Variants in ODAD2 observed in about 807,000 individuals in gnomAD.
ODAD2 encodes the protein outer dynein arm-docking complex subunit 2.
In ODAD2, 89 loss-of-function variants were observed where a neutral mutation model predicts 106.8. The ratio of observed to expected loss-of-function variants is 0.83; its 90% confidence interval spans 0.70 to 0.99. The LOEUF (loss-of-function observed/expected upper bound fraction) is 0.99, where lower values mean the gene tolerates loss of function less well. Among genes scored for constraint, ODAD2 ranks in the 50% least tolerant of loss-of-function variants. ODAD2 has a pLI of 0.00. For synonymous variants in ODAD2, 404 were observed against 436.2 expected (o/e 0.93, Z 0.92); for missense variants, 1,168 against 1,238.5 (o/e 0.94, Z 0.85).
intron 17 of ODAD2, among the ~76,000 whole-genome samples, chr10:27,865,834 G>C (rs1430084565): frequency 2.6e-5 from 4 of 152,204 alleles, no homozygotes; most frequent in Non-Finnish European, 5.9e-5. Context: ...GCAAGTGTGA[G>C]GGCGAAGCCA....
intron 17 of ODAD2, among the ~76,000 whole-genome samples, chr10:27,884,490 T>A (rs954446697): frequency 1.3e-5 from 2 of 152,178 alleles, no homozygotes; most frequent in Non-Finnish European, 2.9e-5. Context: ...TCTTATTTCC[T>A]TCCTTCAGCC....
chr10:27,942,094 C>T (rs1263662452), intron 12 of ODAD2, among the ~76,000 whole-genome samples: 1 of 152,132 alleles, frequency 6.6e-6, no homozygotes, highest in Non-Finnish European at 1.5e-5. Flanking sequence ...CACAGATGCA[C>T]AACAATAAAT....
chr10:27,924,412 C>A (rs1013797427), intron 16 of ODAD2, among the ~76,000 whole-genome samples: 3 of 150,814 alleles, frequency 2.0e-5, no homozygotes, highest in Non-Finnish European at 3.0e-5. Context: ...ATAACATAAG[C>A]AACTTTTATT....
intron 2 of ODAD2, among the ~76,000 whole-genome samples, chr10:27,991,279 G>A (rs1231504457): frequency 1.3e-5 from 2 of 150,786 alleles, no homozygotes; most frequent in Non-Finnish European, 1.5e-5. Context: ...AAAATTAAAC[G>A]TGGAAAGATG....
intron 19 of ODAD2, among the ~76,000 whole-genome samples, chr10:27,825,016 C>T (rs1836928852): frequency 6.6e-6 from 1 of 152,178 alleles, no homozygotes; most frequent in African/African-American, 2.4e-5. Flanking sequence ...CAGAGCTGAA[C>T]TCCTAATCCT....
chr10:27,996,467 C>T (rs559650756), intron 1 of ODAD2, among the ~76,000 whole-genome samples: 3 of 152,168 alleles, frequency 2.0e-5, no homozygotes, highest in African/African-American at 4.8e-5. Flanking sequence ...GGGGCATTAT[C>T]GGCCTTTAGT....
Position 27,857,903 on chromosome 10 carries a change from A to G in ODAD2, c.3021+2722T>C, listed in dbSNP as rs919197558. Among the ~76,000 whole-genome samples the G allele has an allele frequency of 4.6e-5, 7 of 152,232 alleles. No homozygotes were observed. The East Asian group carries it at 1.3e-3, about 29-fold the overall frequency. ...TTTGTACAACTGGAAAATAACAAGCATTTGACGAGAAGTCGGCAGCAGGAA... is the reference window on the plus strand; with the variant it reads ...TTTGTACAACTGGAAAATAACAAGCGTTTGACGAGAAGTCGGCAGCAGGAA... On this transcript the variant is annotated intron_variant, in intron 19 of 19. Transcript: ENST00000305242.
At chr10:27,832,926 T>C (rs1183125152) in intron 19 of ODAD2, among the ~76,000 whole-genome samples, 1 of 152,204 alleles carries the variant, frequency 6.6e-6, no homozygotes, top group Non-Finnish European at 1.5e-5. Flanking sequence ...GAATAATTTT[T>C]TTCAAATTAT....
chr10:27,973,397 T>C (rs1848988673), intron 7 of ODAD2, among the ~76,000 whole-genome samples: 1 of 152,148 alleles, frequency 6.6e-6, no homozygotes, highest in African/African-American at 2.4e-5. Context: ...GGTAAACTCA[T>C]GTCACAGGTG....
intron 10 of ODAD2, among the ~76,000 whole-genome samples, chr10:27,947,335 T>G (rs895456560): frequency 1.3e-5 from 2 of 152,082 alleles, no homozygotes; most frequent in African/African-American, 4.8e-5. Context: ...TGTGGAGGCA[T>G]GCACCTGTAA....
intron 14 of ODAD2, 42 bp from the exon 15 acceptor site, chr10:27,936,922 T>C: frequency 1.3e-6 from 2 of 1,553,304 alleles, no homozygotes. Flanking sequence ...CATCAAGGAA[T>C]ATCAAGCTTT....
rs567723980 is a variant in ODAD2, at chr10:27,932,027, T to C, written c.2495+2983A>G. ...GAACATTACTGCAGCCTCAAACTCA[T>C]GGGCTCAAGCAATTCTCCTGACTTA... On this transcript the variant is annotated intron_variant, in intron 16 of 19. Transcript: ENST00000305242. 5.9e-5 allele frequency among the ~76,000 whole-genome samples: 9 copies of C among 152,168 alleles called. No homozygotes were observed. The East Asian group carries it at 1.4e-3, about 23-fold the overall frequency.
Position 27,860,701 on chromosome 10 carries a change from GC to G in ODAD2, c.2944del (p.Ala982ArgfsTer25), listed in dbSNP as rs1839977516. 1 of 1,614,008 alleles carries G rather than the reference GC, an allele frequency of 6.2e-7. No homozygotes were observed. The highest frequency in any genetic ancestry group is 8.5e-7 in the Non-Finnish European group (1 of 1,180,026). On this transcript the variant is annotated frameshift_variant, in exon 19 of 20. Coordinates refer to ENST00000305242, the MANE Select transcript of ODAD2 (RefSeq NM_018076.5). LOFTEE classifies it high-confidence loss of function. ...GAGTTGGTACAAGGCCTGAGCTGTC[GC>G]CCGATGCACGTTGGTGTCATTTGAT... ...LKSNDTNVHRATAQALYQLSE... is the reference protein window; with the variant it reads ...LKSNDTNVHRXTAQALYQLSE...
chr10:27,985,247 T>G (rs886637927), intron 3 of ODAD2, 36 bp from the exon 4 acceptor site: 6 of 1,435,132 alleles, frequency 4.2e-6, no homozygotes, highest in Middle Eastern at 2.5e-4. Context: ...AAATAAAAAT[T>G]ATCCACTTGT....
intron 17 of ODAD2, among the ~76,000 whole-genome samples, chr10:27,906,158 CA>C (rs1394939530): frequency 6.7e-6 from 1 of 150,160 alleles, no homozygotes; most frequent in African/African-American, 2.4e-5. Flanking sequence ...GGGACTTAAA[CA>C]AATTTATAAG....
In ODAD2 at chr10:27,885,797, T is replaced by TATATAAAAC. The variant is rs1264863504; in HGVS notation, c.2610+21865_2610+21866insGTTTTATAT. Among the ~76,000 whole-genome samples the TATATAAAAC allele has an allele frequency of 6.7e-3, 571 of 85,654 alleles. 41 individuals are homozygous for TATATAAAAC. Among genetic ancestry groups the TATATAAAAC allele is most frequent in the African/African-American group, 0.027 (551 of 20,446 alleles). 56.2% of individuals were successfully genotyped at this position (85,654 alleles called of 152,430 possible). A position where few individuals can be genotyped will look rare whatever the true frequency, so the allele number is the denominator to read the frequency against. Reference sequence around the variant, plus strand: ...TATAAAATATATATTATATATAATATATATAAAATATATATTATATATAAT... The same window carrying TATATAAAAC: ...TATAAAATATATATTATATATAATATATATAAAACATATAAAATATATATTATATATAAT... On this transcript the variant is annotated intron_variant, in intron 17 of 19. Transcript: ENST00000305242.
intron 19 of ODAD2, among the ~76,000 whole-genome samples, chr10:27,826,736 CCT>C (rs1189055829): frequency 2.0e-5 from 3 of 152,112 alleles, no homozygotes; most frequent in East Asian, 1.9e-4. Context: ...CATTAACCCC[CCT>C]CTTTCCGGTA....
chr10:27,947,991 A>G (rs1847059191), intron 10 of ODAD2, among the ~76,000 whole-genome samples: 1 of 152,178 alleles, frequency 6.6e-6, no homozygotes, highest in African/African-American at 2.4e-5. Flanking sequence ...CTTCTAGACA[A>G]CTTCCACATC....
intron 17 of ODAD2, among the ~76,000 whole-genome samples, chr10:27,870,798 A>T (rs1840816143): frequency 6.6e-6 from 1 of 152,228 alleles, no homozygotes; most frequent in African/African-American, 2.4e-5. Context: ...TATTGTGAAT[A>T]GTGCCACAAT....
Sources: gnomAD v4.1 joint callset for allele counts (sites outside exome capture counted in the v4.1 genomes callset) on GRCh38, gnomAD v4.1.1 for gene constraint, MANE v1.5 for transcripts, NCBI Gene and HGNC (gene_info 2026-07-23, HGNC 2026-07-21) for gene names.